The following SUCLA2 variants were observed in gnomAD, a reference collection of about 807,000 sequenced individuals.
SUCLA2 encodes succinate--CoA ligase [ADP-forming] subunit beta, mitochondrial.
A neutral mutation model predicts 54.8 loss-of-function variants in SUCLA2; 30 were observed. The ratio of observed to expected loss-of-function variants is 0.55; its 90% CI spans 0.41 to 0.74. The LOEUF is 0.74. SUCLA2 is among the 30% of genes least tolerant of loss of function. The pLI, the probability that SUCLA2 is intolerant of heterozygous loss-of-function variation, is 0.00. For missense variants in SUCLA2, 476 were observed against 562.9 expected (o/e 0.85, Z 1.56); for synonymous variants, 172 against 188.9 (o/e 0.91, Z 0.74).
intron 6 of SUCLA2, chr13:47,965,502 A>C (rs776774674): frequency 0.036 from 13,926 of 390,462 alleles, 268 homozygotes; most frequent in South Asian, 0.1. Flanking sequence ...TTTAAAAAAA[A>C]AAAAACAAAC....
chr13:47,971,561 G>A, intron 5 of SUCLA2: 1 of 269,444 alleles, frequency 3.7e-6, no homozygotes, highest in Non-Finnish European at 6.9e-6. Flanking sequence ...TTTTTAGTGG[G>A]GGGAAGAATG....
chr13:47,996,660 T>A (rs1387274826), intron 2 of SUCLA2, among the ~76,000 whole-genome samples, 183 bp downstream of exon 2: 2 of 151,278 alleles, frequency 1.3e-5, no homozygotes, highest in Non-Finnish European at 3.0e-5. Flanking sequence ...TGGGTGCTCA[T>A]AATAATAATA....
intron 1 of SUCLA2, chr13:48,000,757 C>A (rs1950223626): frequency 1.3e-6 from 1 of 752,530 alleles, no homozygotes; most frequent in Non-Finnish European, 1.7e-6. Flanking sequence ...GACATTCCCA[C>A]CTATGACAGC....
rs1297869079 is a variant in SUCLA2 at position 47,949,522 on chromosome 13, C to G, written c.1189G>C (p.Asp397His). 1.2e-6 allele frequency: 2 copies of G among 1,613,526 alleles called. No homozygotes were observed. Among genetic ancestry groups the G allele is most frequent in the Non-Finnish European group, 1.7e-6 (2 of 1,179,704 alleles). The change falls in exon 9 of 11, where the codon GAC becomes CAC. Residue 397 changes from aspartate (D) to histidine (H), a missense_variant. By Grantham distance (81) the Asp-to-His change is moderately conservative. Coordinates refer to ENST00000646932, the MANE Select transcript of SUCLA2 (RefSeq NM_003850.3). ...IAQGIVMAVK[D>H]LEIKIPVVVR... ...ACAACAGGTATTTTAATTTCCAAGT[C>G]TTTTACTGCCATGACTATACCCTGT...
intron 8 of SUCLA2, among the ~76,000 whole-genome samples, chr13:47,952,949 TATC>T (rs1342745385): frequency 6.6e-6 from 1 of 152,130 alleles, no homozygotes; most frequent in African/African-American, 2.4e-5. Context: ...CAGCTTAAGG[TATC>T]ATCCATTCAG....
At chr13:47,957,843 A>G (rs1440955051) in intron 6 of SUCLA2, among the ~76,000 whole-genome samples, 1 of 152,188 alleles carries the variant, frequency 6.6e-6, no homozygotes, top group Non-Finnish European at 1.5e-5. Flanking sequence ...GCAGTTGACC[A>G]AGCCCAACTA....
At chr13:47,970,426 C>T (rs1328347718) in intron 5 of SUCLA2, among the ~76,000 whole-genome samples, 1 of 152,158 alleles carries the variant, frequency 6.6e-6, no homozygotes, top group Non-Finnish European at 1.5e-5. Flanking sequence ...CTAAATTTCA[C>T]TCTCCAGTCA....
chr13:47,997,226 T>G (rs766870118), intron 1 of SUCLA2, among the ~76,000 whole-genome samples: 4 of 152,154 alleles, frequency 2.6e-5, no homozygotes, highest in Admixed American at 1.3e-4. Flanking sequence ...AATTATTTCC[T>G]CATCATCTCT....
At chr13:47,997,828 G>T (rs1950201942) in intron 1 of SUCLA2, among the ~76,000 whole-genome samples, 1 of 152,142 alleles carries the variant, frequency 6.6e-6, no homozygotes. Context: ...CTTAAAGTAG[G>T]TTCATAAGCT....
At chr13:47,984,424 G>A (rs745561730) in intron 4 of SUCLA2, among the ~76,000 whole-genome samples, 79 of 151,348 alleles carry the variant, frequency 5.2e-4, no homozygotes, top group Non-Finnish European at 9.3e-4. Flanking sequence ...GGATGGTCTC[G>A]ATCTCCTGAC....
At position 47,944,365 on chromosome 13, in the gene SUCLA2, C is replaced by T. The variant is rs188997172; in HGVS notation, c.1318-920G>A. Among the ~76,000 whole-genome samples the T allele has an allele frequency of 6.8e-4, 103 of 152,234 alleles. 1 individual carries two copies. Among genetic ancestry groups the T allele is most frequent in the Admixed American group, 1.8e-3 (28 of 15,284 alleles). On this transcript the variant is annotated intron_variant, in intron 10 of 10. Coordinates refer to ENST00000646932, the MANE Select transcript of SUCLA2 (RefSeq NM_003850.3). ...ATTATTGTTATGACTTCTATAATCTCCCAGTCAATAAAAACACTGTAGTCA... is the reference window on the plus strand; with the variant it reads ...ATTATTGTTATGACTTCTATAATCTTCCAGTCAATAAAAACACTGTAGTCA...
At chr13:47,988,764 A>G (rs903707416) in intron 3 of SUCLA2, 61 bp from the exon 4 acceptor site, 3 of 1,604,636 alleles carry the variant, frequency 1.9e-6, no homozygotes, top group African/African-American at 1.3e-5. Context: ...GCAAATCCAC[A>G]TAATAGCCAA....
At chr13:47,965,193 T>C (rs1460894327) in intron 6 of SUCLA2, among the ~76,000 whole-genome samples, 1 of 151,708 alleles carries the variant, frequency 6.6e-6, no homozygotes, top group Admixed American at 6.6e-5. Context: ...GAGGGAATGA[T>C]GTAGTTAGAA....
chr13:47,955,594 A>C (rs1203861894), intron 6 of SUCLA2, among the ~76,000 whole-genome samples: 1 of 152,208 alleles, frequency 6.6e-6, no homozygotes, highest in Non-Finnish European at 1.5e-5. Flanking sequence ...GAGAAGAAGA[A>C]GAAGCAAAAC....
intron 1 of SUCLA2, chr13:48,000,835 C>T (rs1377739644): frequency 1.4e-5 from 16 of 1,139,466 alleles, no homozygotes; most frequent in Non-Finnish European, 1.6e-5. Context: ...GCGCAAGTCT[C>T]AGCCCACCGT....
intron 4 of SUCLA2, among the ~76,000 whole-genome samples, chr13:47,981,933 C>T (rs1490609263): frequency 6.6e-6 from 1 of 152,078 alleles, no homozygotes. Context: ...TGCAGTGAGC[C>T]GAGACTGCAC....
At chr13:47,979,621 G>C (rs1296721341) in intron 4 of SUCLA2, among the ~76,000 whole-genome samples, 1 of 152,012 alleles carries the variant, frequency 6.6e-6, no homozygotes, top group Non-Finnish European at 1.5e-5. Flanking sequence ...ATGTATCCCA[G>C]AACTTGAGTA....
At chr13:47,972,200 A>C (rs951931081) in intron 5 of SUCLA2, 5 of 261,438 alleles carry the variant, frequency 1.9e-5, no homozygotes, top group Non-Finnish European at 3.6e-5. Context: ...GGTTGGAGTG[A>C]GCCAAGGTGG....
At chr13:47,988,159 G>C (rs1950118707) in intron 4 of SUCLA2, 1 of 221,070 alleles carries the variant, frequency 4.5e-6, no homozygotes, top group South Asian at 1.7e-4. Context: ...AGAAGATGAG[G>C]CAATGGATAC....
Sources: gnomAD v4.1 joint callset for allele counts (sites outside exome capture counted in the v4.1 genomes callset) on GRCh38, gnomAD v4.1.1 for gene constraint, MANE v1.5 for transcripts, NCBI Gene and HGNC (gene_info 2026-07-23, HGNC 2026-07-21) for gene names.